The following TUSC3 variants were observed in gnomAD, a reference collection of about 807,000 sequenced individuals.
TUSC3 encodes the protein dolichyl-diphosphooligosaccharide--protein glycosyltransferase subunit TUSC3.
Under a neutral mutation model 44.8 loss-of-function variants are expected in TUSC3, and 45 were observed. That is an observed-to-expected ratio of 1.00 (90% CI 0.79 to 1.29). TUSC3 has a LOEUF of 1.29. Among genes scored for constraint, TUSC3 ranks in the 50% most tolerant of loss-of-function variants. The pLI, the probability that TUSC3 is intolerant of heterozygous loss-of-function variation, is 0.00. For synonymous variants in TUSC3, 212 were observed against 152.9 expected (o/e 1.39, Z -2.85); for missense variants, 519 against 437.9 (o/e 1.19, Z -1.65).
chr8:15,618,884 T>C (rs1340699029), intron 1 of TUSC3, among the ~76,000 whole-genome samples: 2 of 152,126 alleles, frequency 1.3e-5, no homozygotes, highest in Non-Finnish European at 2.9e-5. Flanking sequence ...CGGTAAGAAT[T>C]TTTCAGCCCC....
intron 1 of TUSC3, among the ~76,000 whole-genome samples, chr8:15,571,696 T>G (rs1393239654): frequency 2.0e-5 from 3 of 152,152 alleles, no homozygotes; most frequent in African/African-American, 7.2e-5. Context: ...TTGCATGGAA[T>G]GCTGTTTGAT....
intron 1 of TUSC3, among the ~76,000 whole-genome samples, chr8:15,460,610 A>G (rs1361350916): frequency 2.6e-5 from 4 of 152,168 alleles, no homozygotes; most frequent in African/African-American, 7.2e-5. Flanking sequence ...GACTAAGCCA[A>G]TGTCTAGAAG....
intron 2 of TUSC3, among the ~76,000 whole-genome samples, chr8:15,530,798 C>T (rs1801439553): frequency 6.6e-6 from 1 of 152,124 alleles, no homozygotes; most frequent in Middle Eastern, 3.2e-3. Flanking sequence ...TTATTTCATC[C>T]TCACAAGAGT....
intron 1 of TUSC3, among the ~76,000 whole-genome samples, chr8:15,592,115 G>A (rs561430004): frequency 3.9e-5 from 6 of 152,180 alleles, no homozygotes; most frequent in African/African-American, 1.4e-4. Context: ...GAGGAAGGAA[G>A]GTAATGGCAG....
At chr8:15,601,716 A>G (rs1804293379) in intron 1 of TUSC3, among the ~76,000 whole-genome samples, 2 of 151,694 alleles carry the variant, frequency 1.3e-5, no homozygotes, top group African/African-American at 4.8e-5. Context: ...GGAAGGAAGT[A>G]AAGAAATGTA....
intron 5 of TUSC3, among the ~76,000 whole-genome samples, chr8:15,667,574 T>C (rs1405190103): frequency 2.0e-5 from 3 of 151,774 alleles, no homozygotes; most frequent in Non-Finnish European, 1.5e-5. Flanking sequence ...GAATATTACA[T>C]ATTTTCTGCA....
chr8:15,489,123 G>A (rs1464580862), intron 2 of TUSC3, among the ~76,000 whole-genome samples: 1 of 152,184 alleles, frequency 6.6e-6, no homozygotes, highest in African/African-American at 2.4e-5. Context: ...TTGGGTTACA[G>A]CTTGATTTTA....
At chr8:15,603,837 A>C (rs1044897016) in intron 1 of TUSC3, among the ~76,000 whole-genome samples, 1 of 151,418 alleles carries the variant, frequency 6.6e-6, no homozygotes. Flanking sequence ...TTACAGACTT[A>C]TGTAAATGAA....
the TUSC3 span, among the ~76,000 whole-genome samples, chr8:15,845,623 C>A: frequency 6.6e-6 from 1 of 152,126 alleles, no homozygotes; most frequent in Non-Finnish European, 1.5e-5. Flanking sequence ...ACCCCTGAAA[C>A]AACTGACCCT....
chr8:15,826,712 A>G, the TUSC3 span, among the ~76,000 whole-genome samples: 1 of 152,152 alleles, frequency 6.6e-6, no homozygotes, highest in South Asian at 2.1e-4. Flanking sequence ...CCTGCATAGA[A>G]CAGAGATTCA....
At chr8:15,692,375 G>GTTTT (rs59838929) in intron 6 of TUSC3, among the ~76,000 whole-genome samples, 81 of 68,336 alleles carry the variant, frequency 1.2e-3, no homozygotes, top group South Asian at 2.4e-3. Flanking sequence ...CCCCCCCTTT[G>GTTTT]TTTTTTTTTT....
At chr8:15,477,016 T>C (rs1188626473) in intron 1 of TUSC3, among the ~76,000 whole-genome samples, 1 of 152,170 alleles carries the variant, frequency 6.6e-6, no homozygotes, top group Non-Finnish European at 1.5e-5. Context: ...TGATTGGTTG[T>C]GGAAAGCAAC....
chr8:15,722,976 T>C (rs1197073446), intron 6 of TUSC3, among the ~76,000 whole-genome samples: 1 of 152,122 alleles, frequency 6.6e-6, no homozygotes, highest in African/African-American at 2.4e-5. Flanking sequence ...AGCTTATAGC[T>C]CATTAGTAGT....
At chr8:15,671,703 T>G (rs563496112) in intron 5 of TUSC3, among the ~76,000 whole-genome samples, 1 of 152,110 alleles carries the variant, frequency 6.6e-6, no homozygotes, top group Non-Finnish European at 1.5e-5. Flanking sequence ...TTGCCTCTTT[T>G]CCTCCATGTA....
At chr8:15,603,240 G>C (rs538299827) in intron 1 of TUSC3, among the ~76,000 whole-genome samples, 1 of 151,716 alleles carries the variant, frequency 6.6e-6, no homozygotes, top group Non-Finnish European at 1.5e-5. Flanking sequence ...ACTGGAACCT[G>C]AGTTGTTAAT....
chr8:15,449,494 A>C (rs930402928), intron 1 of TUSC3, among the ~76,000 whole-genome samples: 12 of 152,156 alleles, frequency 7.9e-5, no homozygotes, highest in African/African-American at 2.9e-4. Context: ...TACTGCCTCA[A>C]GTTAGCAAAA....
At chr8:15,457,856 T>G (rs947727840) in intron 1 of TUSC3, among the ~76,000 whole-genome samples, 19 of 62,836 alleles carry the variant, frequency 3.0e-4, no homozygotes, top group African/African-American at 8.9e-4. Context: ...TATCTAATAA[T>G]TATCTAATAA....
intron 9 of TUSC3, chr8:15,748,668 A>AGTC: frequency 1.4e-6 from 1 of 727,418 alleles, no homozygotes; most frequent in South Asian, 1.4e-5. Flanking sequence ...GTTCCCTGAC[A>AGTC]GCATGTAGTT....
chr8:15,740,099 A>G (rs1161455141), intron 7 of TUSC3, among the ~76,000 whole-genome samples: 1 of 152,192 alleles, frequency 6.6e-6, no homozygotes, highest in East Asian at 1.9e-4. Context: ...ATAATAAAAA[A>G]AAATCAGAGT....
Sources: allele counts gnomAD v4.1 joint callset (sites outside exome capture counted in the v4.1 genomes callset), GRCh38; gene constraint gnomAD v4.1.1; transcripts MANE v1.5; gene names NCBI Gene and HGNC (gene_info 2026-07-23, HGNC 2026-07-21).